The following PRR33 variants were observed in gnomAD, a reference collection of about 807,000 sequenced individuals.
The protein encoded by PRR33 is proline rich 33.
Under a neutral mutation model 0.5 loss-of-function variants are expected in PRR33, and 1 was observed. The observed-to-expected ratio is 2.18, with a 90% CI of 0.77 to 10.34. The LOEUF (loss-of-function observed/expected upper bound fraction) is 10.34, where lower values mean the gene tolerates loss of function less well. Ranked by LOEUF, PRR33 falls within the 30% of genes most tolerant of loss-of-function variation. The probability of loss-of-function intolerance (pLI) is 0.13; values close to 1 mark genes in which losing one functional copy is unlikely to be tolerated. For synonymous variants in PRR33, 226 were observed against 110.0 expected (o/e 2.06, Z -6.60); for missense variants, 552 against 251.8 (o/e 2.19, Z -8.07).
At chr11:1,893,700 G>A (rs1019179354), upstream of PRR33, among the ~76,000 whole-genome samples, 3 of 150,466 alleles carry the variant, frequency 2.0e-5, no homozygotes, top group African/African-American at 7.4e-5. Context: ...AGATAATGGA[G>A]GGATTGATGA....
At chr11:1,888,159 G>A (rs989192196) in exon 1 of PRR33, among the ~76,000 whole-genome samples, 1 of 152,166 alleles carries the variant, frequency 6.6e-6, no homozygotes, top group Non-Finnish European at 1.5e-5. Context: ...GGGTGGGGCA[G>A]CTGTCCTCCT....
At chr11:1,903,057 A>AAGGT in the PRR33 span, 1 of 152,078 alleles carries the variant, frequency 6.6e-6, no homozygotes, top group Non-Finnish European at 1.5e-5. Context: ...TTTTATCAGC[A>AAGGT]AGGTTTTTAT....
the PRR33 span, chr11:1,903,276 G>C: frequency 7.0e-6 from 1 of 143,684 alleles, no homozygotes; most frequent in African/African-American, 2.5e-5. Flanking sequence ...ACCGTGCCTG[G>C]CTAATTTTTT....
chr11:1,889,868 A>C (rs896740017), exon 1 of PRR33: 33 of 631,164 alleles, frequency 5.2e-5, no homozygotes, highest in Admixed American at 1.7e-4. Flanking sequence ...CAGGCAAGGG[A>C]CTGGCAGCCT....
At chr11:1,915,068 T>A in the PRR33 span, among the ~76,000 whole-genome samples, 1 of 148,232 alleles carries the variant, frequency 6.7e-6, no homozygotes, top group Admixed American at 6.8e-5. Flanking sequence ...GTATGTGTTA[T>A]GGGGTCACAC....
At chr11:1,890,526 G>A (rs1565092035) in exon 1 of PRR33, 2 of 715,756 alleles carry the variant, frequency 2.8e-6, no homozygotes, top group Non-Finnish European at 2.6e-6. Flanking sequence ...GGGTCCAGGG[G>A]TTCCCTGGAG....
At chr11:1,916,886 A>G in the PRR33 span, among the ~76,000 whole-genome samples, 1 of 152,230 alleles carries the variant, frequency 6.6e-6, no homozygotes, top group Non-Finnish European at 1.5e-5. Context: ...AGGAGGCTCA[A>G]AAGGCCTGCA....
chr11:1,888,307 C>G (rs1208946204), exon 1 of PRR33, among the ~76,000 whole-genome samples: 1 of 152,208 alleles, frequency 6.6e-6, no homozygotes, highest in Non-Finnish European at 1.5e-5. Flanking sequence ...CCACTCTCCC[C>G]ACCAGGGCCA....
the PRR33 span, among the ~76,000 whole-genome samples, chr11:1,912,103 T>C: frequency 5.1e-3 from 766 of 151,240 alleles, 4 homozygotes; most frequent in African/African-American, 0.018. Context: ...AGCCCAGGAG[T>C]TTGAGGCTGC....
the PRR33 span, chr11:1,890,324 CG>C: frequency 4.2e-6 from 3 of 711,814 alleles, no homozygotes; most frequent in East Asian, 2.7e-5. Context: ...CGGCGGGGTG[CG>C]GGCCCTCAGC....
chr11:1,895,171 T>C (rs1849110179), upstream of PRR33, among the ~76,000 whole-genome samples: 1 of 152,128 alleles, frequency 6.6e-6, no homozygotes, highest in African/African-American at 2.4e-5. Context: ...TTGCTCTTGT[T>C]GCCCAGGCTG....
At position 1,890,858 on chromosome 11, in the gene PRR33, G is replaced by T. The variant is rs528723188; in HGVS notation, c.-274C>A. 7 of 498,308 alleles carry T rather than the reference G, an allele frequency of 1.4e-5. No homozygotes were observed. The East Asian group carries it at 1.9e-4, about 14-fold the overall frequency. The allele number at this position is 498,308 out of a possible 1,614,324, so 30.9% of individuals were successfully genotyped here. On this transcript the variant is annotated 5_prime_UTR_variant, in exon 1 of 1. Coordinates refer to ENST00000640310, the Ensembl canonical transcript of PRR33. Reference sequence around the variant, plus strand: ...GATGGGGCTAGAACCTGCCTCCAGGGCTCTGTCCTCCATGCCACCCCAGCA... The same window carrying T: ...GATGGGGCTAGAACCTGCCTCCAGGTCTCTGTCCTCCATGCCACCCCAGCA...
the PRR33 span, chr11:1,902,958 T>C: frequency 7.9e-5 from 12 of 152,108 alleles, no homozygotes; most frequent in Admixed American, 5.9e-4. Context: ...ATGGTGCTGG[T>C]GGGAGTGTAG....
At chr11:1,912,039 G>T in the PRR33 span, among the ~76,000 whole-genome samples, 4 of 144,934 alleles carry the variant, frequency 2.8e-5, no homozygotes, top group Non-Finnish European at 1.5e-5. Context: ...AAGTGTGGTG[G>T]TACATAGCTG....
chr11:1,889,301 G>C, exon 1 of PRR33: 1 of 704,526 alleles, frequency 1.4e-6, no homozygotes, highest in Non-Finnish European at 2.6e-6. Context: ...GGGTGAGGCT[G>C]GCTGGGGTGT....
At chr11:1,917,403 C>A in the PRR33 span, among the ~76,000 whole-genome samples, 1 of 152,210 alleles carries the variant, frequency 6.6e-6, no homozygotes, top group Non-Finnish European at 1.5e-5. Flanking sequence ...ACTCCCTGGG[C>A]TTGGCTCAGC....
the PRR33 span, among the ~76,000 whole-genome samples, chr11:1,904,754 C>T: frequency 2.6e-5 from 4 of 151,692 alleles, no homozygotes; most frequent in Non-Finnish European, 4.4e-5. Flanking sequence ...GGTGATCCAC[C>T]CACCTCAGCC....
upstream of PRR33, among the ~76,000 whole-genome samples, chr11:1,894,222 G>GGA (rs1415440714): frequency 2.2e-3 from 215 of 95,580 alleles, 5 homozygotes; most frequent in African/African-American, 6.5e-3. Context: ...TGGGAGTGTG[G>GGA]GAGTGTGTGT....
At chr11:1,894,688 C>T (rs543185923), upstream of PRR33, among the ~76,000 whole-genome samples, 5 of 152,302 alleles carry the variant, frequency 3.3e-5, no homozygotes, top group East Asian at 9.6e-4. Flanking sequence ...AGCATGGGTA[C>T]ACCCCAACCC....
Sources: gnomAD v4.1 joint callset for allele counts (sites outside exome capture counted in the v4.1 genomes callset) on GRCh38, gnomAD v4.1.1 for gene constraint, MANE v1.5 for transcripts, NCBI Gene and HGNC (gene_info 2026-07-23, HGNC 2026-07-21) for gene names.